The following MDN1 variants were observed in gnomAD, a reference collection of about 807,000 sequenced individuals.
MDN1 encodes midasin AAA ATPase 1.
A neutral mutation model predicts 669.2 loss-of-function variants in MDN1; 266 were observed. That is an observed-to-expected ratio of 0.40 (90% confidence interval 0.36 to 0.44). MDN1 has a LOEUF of 0.44. Ranked by LOEUF, MDN1 falls within the 20% of genes least tolerant of loss-of-function variation. The probability of loss-of-function intolerance (pLI) is 1.00; values close to 1 mark genes in which losing one functional copy is unlikely to be tolerated. For synonymous variants in MDN1, 2,385 were observed against 2,457.1 expected (o/e 0.97, Z 0.87); for missense variants, 5,940 against 6,754.0 (o/e 0.88, Z 4.22).
In MDN1 at chr6:89,712,068, T is replaced by G. The variant is rs1465509880; in HGVS notation, c.7619A>C (p.Tyr2540Ser). Residue 2540 changes from tyrosine to serine, a missense_variant, in exon 49 of 102, where the codon TAT (tyrosine) becomes TCT (serine). Physicochemically the swap from Tyr to Ser is moderately radical, Grantham distance 144. Transcript: ENST00000369393. ...QDWMLRVKWLYHLAKNIPQGL... is the reference protein window; with the variant it reads ...QDWMLRVKWLSHLAKNIPQGL... Reference sequence around the variant, plus strand: ...CTGCGGTATATTCTTGGCTAAATGATAAAGCCATTTAACTCTGAGCATCCA... The same window carrying G: ...CTGCGGTATATTCTTGGCTAAATGAGAAAGCCATTTAACTCTGAGCATCCA... 9.3e-6 allele frequency: 15 copies of G among 1,614,116 alleles called. No individual in the cohort carries two copies. Among genetic ancestry groups the G allele is most frequent in the Non-Finnish European group, 1.0e-5 (12 of 1,179,978 alleles).
In MDN1 at chr6:89,758,989, A is replaced by C. The variant is rs968921743; in HGVS notation, c.2461-29T>G. 22 of 1,604,182 alleles carry C rather than the reference A, an allele frequency of 1.4e-5. No individual in the cohort carries two copies. In the African/African-American group the frequency reaches 2.5e-4, roughly 19 times the overall value. On this transcript the variant is annotated intron_variant, in intron 17 of 101. Coordinates refer to ENST00000369393, the MANE Select transcript of MDN1 (RefSeq NM_014611.3). ...GAAAAAGATAAAATAAAATGTTAAC[A>C]ATGTGTCAAATAAAGGCACACTTGC... is the stretch of plus-strand genomic sequence containing the variant.
At chr6:89,781,332 C>A (rs1818660552) in intron 10 of MDN1, 67 bp downstream of exon 10, 1 of 1,513,808 alleles carries the variant, frequency 6.6e-7, no homozygotes, top group Non-Finnish European at 9.1e-7. Context: ...GCCTGGGTAA[C>A]AGAGCAGGAA....
chr6:89,817,082 G>T (rs1043952134), intron 1 of MDN1, among the ~76,000 whole-genome samples: 2 of 152,132 alleles, frequency 1.3e-5, no homozygotes, highest in Non-Finnish European at 2.9e-5. Flanking sequence ...CTGTGACTTG[G>T]AAGACCGCCC....
chr6:89,747,297 T>C, intron 27 of MDN1, 32 bp downstream of exon 27: 1 of 1,603,452 alleles, frequency 6.2e-7, no homozygotes, highest in Non-Finnish European at 8.5e-7. Flanking sequence ...TTAACATAAC[T>C]ATATATTGAG....
chr6:89,702,135 A>G (rs1412602589), intron 53 of MDN1, 74 bp from the exon 54 acceptor site: 2 of 1,423,164 alleles, frequency 1.4e-6, no homozygotes, highest in Non-Finnish European at 9.5e-7. Context: ...AACAAAGTGA[A>G]CCAAGACTGC....
intron 93 of MDN1, among the ~76,000 whole-genome samples, chr6:89,653,600 G>A (rs1809037821): frequency 1.3e-5 from 2 of 152,188 alleles, no homozygotes; most frequent in South Asian, 2.1e-4. Flanking sequence ...ATAGTCAACC[G>A]TTCTAACAGT....
At chr6:89,766,224 G>A (rs1480074043) in intron 15 of MDN1, among the ~76,000 whole-genome samples, 3 of 151,932 alleles carry the variant, frequency 2.0e-5, no homozygotes, top group Admixed American at 6.6e-5. Context: ...GCTTGGGCCC[G>A]GGAGGCAGAG....
intron 30 of MDN1, 136 bp from the exon 31 acceptor site, chr6:89,743,416 G>T: frequency 7.3e-7 from 1 of 1,365,508 alleles, no homozygotes; most frequent in Non-Finnish European, 1.0e-6. Flanking sequence ...GATAGAACTT[G>T]CACACCAGAA....
At chr6:89,673,134 G>T in intron 80 of MDN1, 102 bp downstream of exon 80, 1 of 1,072,088 alleles carries the variant, frequency 9.3e-7, no homozygotes, top group Non-Finnish European at 1.4e-6. Context: ...ACAGGTACAT[G>T]TAGACCAAAA....
Position 89,716,720 on chromosome 6 carries a change from C to T in MDN1, c.6673G>A (p.Val2225Ile), listed in dbSNP as rs1430160221. Residue 2225 changes from valine to isoleucine, a missense_variant, in exon 44 of 102, where the codon GTT becomes ATT. Coordinates refer to ENST00000369393, the MANE Select transcript of MDN1 (RefSeq NM_014611.3). ...AGGGCCTGAACCAACATGCTGTCAA[C>T]CCATTCAAATGTGCCATGGCTATGG... ...SGHSHGTFEW[V>I]DSMLVQALKS... 4 of 1,614,026 alleles carry T rather than the reference C, an allele frequency of 2.5e-6. No individual in the cohort carries two copies. The highest frequency in any genetic ancestry group is 1.1e-5 in the South Asian group (1 of 91,078).
Position 89,690,115 on chromosome 6 carries a change from G to A in MDN1, c.10778C>T (p.Thr3593Met), listed in dbSNP as rs897129579. 12 of 1,613,968 alleles carry A rather than the reference G, an allele frequency of 7.4e-6. No homozygotes were observed. Among genetic ancestry groups the A allele is most frequent in the African/African-American group, 2.7e-5 (2 of 74,892 alleles). ...TGAAGTTCCTTTGTTCTCCTCCAAC[G>A]TTGGCTGCACCAAAATATCTGCAAA... Reference protein sequence around the residue: ...KDFADILVQPTLEENKGTSDG... With the variant: ...KDFADILVQPMLEENKGTSDG... The change falls in exon 65 of 102, where the codon ACG becomes ATG. Residue 3593 changes from threonine (T) to methionine (M), a missense_variant. Thr to Met is a moderately conservative substitution (Grantham distance 81). Transcript: ENST00000369393.
chr6:89,680,327 A>G (rs1811518948), intron 74 of MDN1, among the ~76,000 whole-genome samples: 1 of 152,218 alleles, frequency 6.6e-6, no homozygotes, highest in African/African-American at 2.4e-5. Context: ...AACCAACAGG[A>G]ACTAGTATAG....
chr6:89,653,536 A>G (rs966253203), intron 93 of MDN1, among the ~76,000 whole-genome samples: 2 of 152,264 alleles, frequency 1.3e-5, no homozygotes, highest in African/African-American at 4.8e-5. Flanking sequence ...AGAAAAGATC[A>G]ATAATTTGCT....
chr6:89,686,954 G>A lies in MDN1; in HGVS notation c.11520C>T (p.Ser3840=). The part of the protein sequence containing the change: ...HTEKSTKHWF[S]IYQMLEKHMQ... ...TGTGCTTCTCAAGCATCTGATAGATGGAGAACCAGTGCTTGGTGGATTTCT... is the reference window on the plus strand; with the variant it reads ...TGTGCTTCTCAAGCATCTGATAGATAGAGAACCAGTGCTTGGTGGATTTCT... The change falls in exon 69 of 102, where the codon TCC becomes TCT. Residue 3840 remains serine (S), a synonymous_variant. Transcript: ENST00000369393. The A allele has an allele frequency of 6.2e-6, 10 of 1,613,814 alleles. No individual in the cohort carries two copies. Among genetic ancestry groups the A allele is most frequent in the Non-Finnish European group, 8.5e-6 (10 of 1,179,954 alleles).
rs181012155 is a variant in MDN1 at position 89,773,193 on chromosome 6, G to T, written c.1935-472C>A. 8.5e-5 allele frequency among the ~76,000 whole-genome samples: 13 copies of T among 152,186 alleles called. No homozygotes were observed. In the South Asian group the frequency reaches 2.5e-3, roughly 29 times the overall value. ...GATAAGGTCATATTGCATTAGGGTGGGTCTTAAATCCAATGACTGGTGTCC... is the reference window on the plus strand; with the variant it reads ...GATAAGGTCATATTGCATTAGGGTGTGTCTTAAATCCAATGACTGGTGTCC... On this transcript the variant is annotated intron_variant, in intron 13 of 101. Coordinates refer to ENST00000369393, the MANE Select transcript of MDN1 (RefSeq NM_014611.3).
rs530220333 is a variant in MDN1 at position 89,708,872 on chromosome 6, C to T, written c.7766-244G>A. On this transcript the variant is annotated intron_variant, in intron 50 of 101. Transcript: ENST00000369393. ...TATGTCCTGAAAGTTCATCCCAATG[C>T]AGGATATAAAGGTAATCCCTACTAG... Among the ~76,000 whole-genome samples, 10 of 151,810 alleles carry T rather than the reference C, an allele frequency of 6.6e-5. No individual in the cohort carries two copies. In the South Asian group the frequency reaches 1.9e-3, roughly 28 times the overall value.
intron 26 of MDN1, among the ~76,000 whole-genome samples, chr6:89,747,776 A>G (rs1816726714): frequency 6.6e-6 from 1 of 150,912 alleles, no homozygotes; most frequent in Non-Finnish European, 1.5e-5. Flanking sequence ...CTGTAGTCCC[A>G]GCTACTCCAG....
chr6:89,686,441 CAAATAT>C (rs1812013478), intron 69 of MDN1, among the ~76,000 whole-genome samples: 1 of 151,818 alleles, frequency 6.6e-6, no homozygotes, highest in Non-Finnish European at 1.5e-5. Context: ...AAATAAAAAA[CAAATAT>C]AAATAAATAA....
rs1435599856 is a variant in MDN1 at position 89,654,192 on chromosome 6, T to C, written c.15633A>G (p.Glu5211=). Residue 5211 remains glutamate, a synonymous_variant, in exon 93 of 102, where the codon GAA becomes GAG. Transcript: ENST00000369393. ...AADVEQLKPE[E]IKSGTTAPLG... is the part of the protein sequence containing the mutation. ...AGGGTGCTGTGGTGCCCGACTTGAT[T>C]TCCTCTGGCTTCAGCTGCTCCACGT... The C allele has an allele frequency of 1.9e-6, 3 of 1,614,208 alleles. No individual in the cohort carries two copies. In the South Asian group the frequency reaches 3.3e-5, roughly 18 times the overall value.
Sources: gnomAD v4.1 joint callset for allele counts (sites outside exome capture counted in the v4.1 genomes callset) on GRCh38, gnomAD v4.1.1 for gene constraint, MANE v1.5 for transcripts, NCBI Gene and HGNC (gene_info 2026-07-23, HGNC 2026-07-21) for gene names.